PTPRC: variants seen among roughly 807,000 people sequenced by gnomAD.
The protein encoded by PTPRC is receptor-type tyrosine-protein phosphatase C.
In PTPRC, 44 loss-of-function variants were observed where a neutral mutation model predicts 155.9. That is an observed-to-expected ratio of 0.28 (90% CI 0.22 to 0.36). PTPRC has a LOEUF of 0.36. Among genes scored for constraint, PTPRC ranks in the 10% least tolerant of loss-of-function variants. PTPRC has a pLI of 1.00. For missense variants in PTPRC, 1,401 were observed against 1,564.6 expected (o/e 0.90, Z 1.76); for synonymous variants, 525 against 533.1 (o/e 0.98, Z 0.21).
chr1:198,753,716 T>G (rs182835796), intron 31 of PTPRC, among the ~76,000 whole-genome samples: 95 of 152,214 alleles, frequency 6.2e-4, no homozygotes, highest in South Asian at 1.2e-3. Flanking sequence ...ATGATAATGC[T>G]TTATACTTCT....
At chr1:198,677,522 C>A (rs1192993607) in intron 2 of PTPRC, among the ~76,000 whole-genome samples, 1 of 151,766 alleles carries the variant, frequency 6.6e-6, no homozygotes, top group Non-Finnish European at 1.5e-5. Flanking sequence ...CAAACATATC[C>A]CTCTTAACTT....
At chr1:198,709,577 T>C in intron 10 of PTPRC, 110 bp from the exon 11 acceptor site, 1 of 981,998 alleles carries the variant, frequency 1.0e-6, no homozygotes, top group African/African-American at 1.7e-5. Context: ...TCCACAGATG[T>C]TTCAATCTGA....
intron 13 of PTPRC, among the ~76,000 whole-genome samples, chr1:198,717,550 AC>A (rs1238996345): frequency 3.9e-5 from 6 of 152,200 alleles, no homozygotes; most frequent in Admixed American, 2.0e-4. Flanking sequence ...TGAATATAAG[AC>A]ACTTTTAAGG....
At chr1:198,692,904 T>C in intron 3 of PTPRC, 1 of 900,822 alleles carries the variant, frequency 1.1e-6, no homozygotes, top group Non-Finnish European at 1.3e-6. Flanking sequence ...AATGTCTTAA[T>C]CATGAGATAA....
chr1:198,736,316 C>T (rs4387207), intron 23 of PTPRC, among the ~76,000 whole-genome samples: 28,008 of 151,478 alleles, frequency 0.18, 3,132 homozygotes, highest in African/African-American at 0.29. Context: ...TACACATTAA[C>T]CATCACCATT....
Position 198,696,731 on chromosome 1 carries a change from G to C in PTPRC, c.120G>C (p.Met40Ile), listed in dbSNP as rs1571844516. The part of the protein sequence containing the change: ...PSPTGLTTAK[M>I]PSVPLSSDPL... ...TAACAGGATTGACTACAGCAAAGAT[G>C]CCCAGTGTTCCACTTTCAAGTGACC... Residue 40 changes from methionine to isoleucine, a missense_variant, in exon 4 of 33, where the codon ATG becomes ATC. Around this residue, in one of 3 missense-constraint regions of PTPRC, gnomAD observed 867 missense variants for 970.4 expected, o/e 0.89. Transcript: ENST00000442510. 2 of 1,613,784 alleles carry C rather than the reference G, an allele frequency of 1.2e-6. No homozygotes were observed. The highest frequency in any genetic ancestry group is 2.2e-5 in the South Asian group (2 of 91,076).
Position 198,685,110 on chromosome 1 carries a change from G to A in PTPRC, c.74-7237G>A, listed in dbSNP as rs963540986. Among the ~76,000 whole-genome samples the A allele has an allele frequency of 4.6e-5, 7 of 151,966 alleles. No homozygotes were observed. The East Asian group carries it at 9.6e-4, about 21-fold the overall frequency. On this transcript the variant is annotated intron_variant, in intron 2 of 32. Transcript: ENST00000442510. Reference sequence around the variant, plus strand: ...ACTAAAATCCTTTGCTTCTGTCTGAGTAGAAATCTTTGGAATTATTTTCTG... The same window carrying A: ...ACTAAAATCCTTTGCTTCTGTCTGAATAGAAATCTTTGGAATTATTTTCTG...
intron 23 of PTPRC, among the ~76,000 whole-genome samples, chr1:198,737,607 T>C (rs1285632452): frequency 6.6e-6 from 1 of 151,740 alleles, no homozygotes; most frequent in African/African-American, 2.4e-5. Context: ...ATTCCTCTAG[T>C]TTTGTTCTTT....
At chr1:198,649,578 G>T (rs6686725) in intron 2 of PTPRC, among the ~76,000 whole-genome samples, 59,326 of 151,604 alleles carry the variant, frequency 0.39, 12,043 homozygotes, top group East Asian at 0.68. Context: ...ATCTTGCCCG[G>T]ATTCCATTCC....
chr1:198,741,416 G>T (rs564648911), intron 23 of PTPRC, among the ~76,000 whole-genome samples: 8 of 151,798 alleles, frequency 5.3e-5, no homozygotes, highest in Non-Finnish European at 1.2e-4. Flanking sequence ...AGTTCTGTTT[G>T]CTGGCCTATC....
At chr1:198,650,514 T>C (rs971270457) in intron 2 of PTPRC, among the ~76,000 whole-genome samples, 1 of 151,828 alleles carries the variant, frequency 6.6e-6, no homozygotes, top group Non-Finnish European at 1.5e-5. Flanking sequence ...TGACTTTTTT[T>C]CCCCATGAGC....
At chr1:198,725,817 C>T (rs1166190031) in intron 15 of PTPRC, among the ~76,000 whole-genome samples, 1 of 152,182 alleles carries the variant, frequency 6.6e-6, no homozygotes, top group Admixed American at 6.5e-5. Context: ...AAACCTGAGA[C>T]TCAGGCATTC....
chr1:198,657,928 A>G (rs1331737879), intron 2 of PTPRC: 1 of 152,202 alleles, frequency 6.6e-6, no homozygotes, highest in African/African-American at 2.4e-5. Flanking sequence ...CAAAAATAGT[A>G]TAATTATGAT....
chr1:198,715,791 A>T (rs1447943995), intron 12 of PTPRC, among the ~76,000 whole-genome samples: 1 of 152,216 alleles, frequency 6.6e-6, no homozygotes, highest in Non-Finnish European at 1.5e-5. Flanking sequence ...TGCTTGGCAC[A>T]TACAGTGAGT....
rs757782403 is a variant in PTPRC at position 198,718,234 on chromosome 1, A to C, written c.1591A>C (p.Asn531His). The C allele has an allele frequency of 6.2e-7, 1 of 1,614,142 alleles. No individual in the cohort carries two copies. Among genetic ancestry groups the C allele is most frequent in the Non-Finnish European group, 8.5e-7 (1 of 1,180,002 alleles). ...TGAAGCTGGAAATACTCTGGTTAGAAATGAGTCGCATAAGAATTGCGATTT... is the reference window on the plus strand; with the variant it reads ...TGAAGCTGGAAATACTCTGGTTAGACATGAGTCGCATAAGAATTGCGATTT... ...EVEAGNTLVR[N>H]ESHKNCDFRV... The change falls in exon 14 of 33, where the codon AAT (asparagine) becomes CAT (histidine). Residue 531 changes from asparagine (N) to histidine (H), a missense_variant. Physicochemically the swap from Asn to His is moderately conservative, Grantham distance 68. Around this residue, in one of 3 missense-constraint regions of PTPRC, gnomAD observed 867 missense variants for 970.4 expected, o/e 0.89. Coordinates refer to ENST00000442510, the MANE Select transcript of PTPRC (RefSeq NM_002838.5).
intron 12 of PTPRC, among the ~76,000 whole-genome samples, chr1:198,716,166 C>T (rs1298299124): frequency 6.6e-6 from 1 of 152,294 alleles, no homozygotes; most frequent in East Asian, 1.9e-4. Flanking sequence ...CCCTCATTCT[C>T]ACAGCTCCCG....
chr1:198,651,933 G>A (rs966022231), intron 2 of PTPRC, among the ~76,000 whole-genome samples: 1 of 151,710 alleles, frequency 6.6e-6, no homozygotes, highest in Admixed American at 6.6e-5. Context: ...CCTCAGATTT[G>A]TTTCTACATT....
At chr1:198,665,656 A>G (rs904371322) in intron 2 of PTPRC, among the ~76,000 whole-genome samples, 1 of 152,206 alleles carries the variant, frequency 6.6e-6, no homozygotes, top group South Asian at 2.1e-4. Flanking sequence ...GAACAGATAA[A>G]CTGTGAACTT....
intron 2 of PTPRC, among the ~76,000 whole-genome samples, chr1:198,681,024 G>T (rs1385064270): frequency 1.3e-5 from 2 of 152,078 alleles, no homozygotes; most frequent in Non-Finnish European, 2.9e-5. Context: ...ATATTATGAG[G>T]ATTGTATAAG....
Sources: gnomAD v4.1 joint callset for allele counts (sites outside exome capture counted in the v4.1 genomes callset) on GRCh38, gnomAD v4.1.1 for gene constraint, gnomAD v4.1.1 regional missense constraint, MANE v1.5 for transcripts, NCBI Gene and HGNC (gene_info 2026-07-23, HGNC 2026-07-21) for gene names.